NME8: variants seen among roughly 807,000 people sequenced by gnomAD.
NME8 encodes the protein protein NME8.
In NME8, 72 loss-of-function variants were observed where a neutral mutation model predicts 82.3. The ratio of observed to expected loss-of-function variants is 0.87; its 90% CI spans 0.72 to 1.06. The LOEUF is 1.06. Ranked by LOEUF, NME8 falls within the 50% of genes least tolerant of loss-of-function variation. The pLI is 0.00. For synonymous variants in NME8, 267 were observed against 228.5 expected, an observed-to-expected ratio of 1.17 and a Z score of -1.52; for missense variants, 712 against 685.4, an observed-to-expected ratio of 1.04 and a Z score of -0.43.
At chr7:37,850,802 A>G in intron 5 of NME8, 67 bp downstream of exon 5, 1 of 1,003,536 alleles carries the variant, frequency 1.0e-6, no homozygotes, top group Non-Finnish European at 1.6e-6. Flanking sequence ...ATCCTCTAAT[A>G]CTTTAAGTAT....
At chr7:37,868,722 C>T (rs1228259842) in intron 11 of NME8, among the ~76,000 whole-genome samples, 1 of 152,164 alleles carries the variant, frequency 6.6e-6, no homozygotes, top group African/African-American at 2.4e-5. Context: ...GTCTCCTCTC[C>T]CATCTCCCCA....
At chr7:37,895,796 A>G (rs1785219286) in intron 16 of NME8, among the ~76,000 whole-genome samples, 3 of 152,138 alleles carry the variant, frequency 2.0e-5, no homozygotes, top group Admixed American at 2.0e-4. Flanking sequence ...ATATGTTTAG[A>G]TACACAAATA....
rs111798018 is a variant in NME8, at chr7:37,874,747, G to T, written c.819-2085G>T. Among the ~76,000 whole-genome samples the T allele has an allele frequency of 4.5e-4, 68 of 152,082 alleles. No homozygotes were observed. The Middle Eastern group carries it at 0.017, about 38-fold the overall frequency. ...CACATATAGACATTACTAGGTAAAG[G>T]TTAAAAAAACCTAATTTAAAAACCA... is the stretch of plus-strand genomic sequence containing the variant. On this transcript the variant is annotated intron_variant, in intron 11 of 17. Transcript: ENST00000199447.
intron 10 of NME8, among the ~76,000 whole-genome samples, chr7:37,867,141 C>T (rs1784695727): frequency 6.6e-6 from 1 of 152,140 alleles, no homozygotes; most frequent in Non-Finnish European, 1.5e-5. Flanking sequence ...TGACTTTTGG[C>T]TCTGTCTGTC....
chr7:37,855,477 C>G (rs1235091286), intron 5 of NME8, among the ~76,000 whole-genome samples: 1 of 151,412 alleles, frequency 6.6e-6, no homozygotes, highest in Non-Finnish European at 1.5e-5. Flanking sequence ...CACTTCTCTT[C>G]TTTACTAAAT....
chr7:37,897,152 A>G lies in NME8; in HGVS notation c.*15+45A>G, dbSNP rs182177914. ...TTATTTTATTTTATTTGCTTGTTGC[A>G]GTGACTGAGGCTAGGACAAACCTGT... On this transcript the variant is annotated intron_variant, in intron 17 of 17. Transcript: ENST00000199447. 3.5e-4 allele frequency: 440 copies of G among 1,248,540 alleles called. 1 individual carries two copies. In the African/African-American group the frequency reaches 5.9e-3, roughly 17 times the overall value. 77.3% of individuals were successfully genotyped at this position (1,248,540 alleles called of 1,614,324 possible).
At chr7:37,851,875 G>C (rs1334415728) in intron 5 of NME8, among the ~76,000 whole-genome samples, 2 of 152,124 alleles carry the variant, frequency 1.3e-5, no homozygotes, top group Non-Finnish European at 2.9e-5. Context: ...CCCAGTTACA[G>C]GTCTTTCATG....
chr7:37,887,685 A>G (rs1248111958), intron 14 of NME8, among the ~76,000 whole-genome samples: 4 of 152,184 alleles, frequency 2.6e-5, no homozygotes, highest in African/African-American at 7.2e-5. Flanking sequence ...ATGAAGAAAT[A>G]TCCGAGACTG....
chr7:37,864,206 A>G, intron 8 of NME8, 142 bp from the exon 9 acceptor site: 7 of 1,011,152 alleles, frequency 6.9e-6, no homozygotes, highest in Non-Finnish European at 1.0e-5. Flanking sequence ...GGTAGTTGAA[A>G]TGCCGTAGTA....
chr7:37,873,273 T>C (rs912712841), intron 11 of NME8, among the ~76,000 whole-genome samples: 8 of 150,982 alleles, frequency 5.3e-5, no homozygotes, highest in African/African-American at 1.7e-4. Context: ...GGCAGGAGAA[T>C]TGCTTGAACC....
In NME8 at chr7:37,866,663, G is replaced by A. The variant is rs1784687006; in HGVS notation, c.622-1039G>A. Among the ~76,000 whole-genome samples, 5 of 152,186 alleles carry A rather than the reference G, an allele frequency of 3.3e-5. No homozygotes were observed. In the South Asian group the frequency reaches 1.0e-3, roughly 32 times the overall value. ...TTAAAAATGTAGGAGACTAGTGACTGGGAAGGGATAGGGAGAGATTTGTTA... is the reference window on the plus strand; with the variant it reads ...TTAAAAATGTAGGAGACTAGTGACTAGGAAGGGATAGGGAGAGATTTGTTA... On this transcript the variant is annotated intron_variant, in intron 10 of 17. Transcript: ENST00000199447.
intron 16 of NME8, among the ~76,000 whole-genome samples, chr7:37,895,531 A>G (rs988971814): frequency 4.6e-5 from 7 of 151,434 alleles, no homozygotes; most frequent in African/African-American, 1.7e-4. Flanking sequence ...GCTTTCCAAA[A>G]CTCTCTTTTA....
At chr7:37,873,359 C>CAAAAAAAAAAAAAAAA (rs10647118) in intron 11 of NME8, among the ~76,000 whole-genome samples, 1 of 105,484 alleles carries the variant, frequency 9.5e-6, no homozygotes, top group East Asian at 2.7e-4. Flanking sequence ...GACTCTGTCT[C>CAAAAAAAAAAAAAAAA]AAAAAAAAAA....
At chr7:37,849,881 A>C (rs61140007) in intron 2 of NME8, among the ~76,000 whole-genome samples, 3 of 82,410 alleles carry the variant, frequency 3.6e-5, no homozygotes, top group African/African-American at 1.1e-4. Context: ...AAAAAAAAAA[A>C]AAAAAAAAAG....
At chr7:37,857,452 C>T (rs1784527863) in intron 6 of NME8, 107 bp downstream of exon 6, 4 of 762,552 alleles carry the variant, frequency 5.2e-6, no homozygotes, top group Middle Eastern at 4.7e-4. Flanking sequence ...ACAGTAATTA[C>T]ACAATGTTTG....
intron 7 of NME8, 69 bp from the exon 8 acceptor site, chr7:37,863,327 C>G (rs1784626182): frequency 1.1e-6 from 1 of 915,876 alleles, no homozygotes; most frequent in Non-Finnish European, 1.8e-6. Context: ...TACAAAATTT[C>G]TAAAAACCCA....
Position 37,857,318 on chromosome 7 carries a change from A to AT in NME8, c.244dup (p.Cys82LeufsTer2), listed in dbSNP as rs758846066. ...TGACTTTGCAGCCATTTAGAGATAA[A>AT]TGTGAACCTGTTTTTCTCTTTAGTG... On this transcript the variant is annotated frameshift_variant, in exon 6 of 18. Coordinates refer to ENST00000199447, the MANE Select transcript of NME8 (RefSeq NM_016616.5). LOFTEE classifies it high-confidence loss of function. 2 of 1,611,544 alleles carry AT rather than the reference A, an allele frequency of 1.2e-6. No homozygotes were observed. The highest frequency in any genetic ancestry group is 1.7e-6 in the Non-Finnish European group (2 of 1,178,282).
rs746445241 is a variant in NME8 at position 37,897,053 on chromosome 7, G to A, written c.1728G>A (p.Glu576=). 6 of 1,613,810 alleles carry A rather than the reference G, an allele frequency of 3.7e-6. No homozygotes were observed. The African/African-American group carries it at 4.0e-5, about 11-fold the overall frequency. ...CATCTAACGCCTATGAAGCAAAAGA[G>A]GTTGTTAATAGACTCTTTGAGGATC... ...HGASNAYEAK[E]VVNRLFEDPE... Residue 576 remains glutamate (E), a synonymous_variant, in exon 17 of 18, where the codon GAG becomes GAA. Transcript: ENST00000199447.
intron 10 of NME8, among the ~76,000 whole-genome samples, chr7:37,867,240 C>G (rs1048674099): frequency 6.6e-6 from 1 of 151,002 alleles, no homozygotes; most frequent in East Asian, 1.9e-4. Flanking sequence ...GGGTAAAGAT[C>G]TTGAGGCCCA....
Sources: allele counts gnomAD v4.1 joint callset (sites outside exome capture counted in the v4.1 genomes callset), GRCh38; gene constraint gnomAD v4.1.1; transcripts MANE v1.5; gene names NCBI Gene and HGNC (gene_info 2026-07-23, HGNC 2026-07-21).